THSD7B: variants seen among roughly 807,000 people sequenced by gnomAD.
The protein encoded by THSD7B is thrombospondin type-1 domain-containing protein 7B.
THSD7B carries 138 observed loss-of-function variants against 213.6 expected under a neutral mutation model. That is an observed-to-expected ratio of 0.65 (90% CI 0.56 to 0.74). The LOEUF (loss-of-function observed/expected upper bound fraction) is 0.74, where lower values mean the gene tolerates loss of function less well. THSD7B is among the 30% of genes least tolerant of loss of function. The pLI, the probability that THSD7B is intolerant of heterozygous loss-of-function variation, is 0.00. For synonymous variants in THSD7B, 742 were observed against 687.0 expected, an observed-to-expected ratio of 1.08 and a Z score of -1.25; for missense variants, 1,931 against 1,991.5, an observed-to-expected ratio of 0.97 and a Z score of 0.58.
intron 10 of THSD7B, among the ~76,000 whole-genome samples, chr2:137,243,559 A>G (rs1044679908): frequency 2.0e-5 from 3 of 152,214 alleles, no homozygotes; most frequent in Admixed American, 2.0e-4. Context: ...CTGCAGAGAA[A>G]AAAGCCTGTC....
chr2:137,533,049 TATAA>T (rs1230766181), intron 15 of THSD7B, among the ~76,000 whole-genome samples: 2 of 151,094 alleles, frequency 1.3e-5, no homozygotes, highest in African/African-American at 2.4e-5. Context: ...ATTATTTATA[TATAA>T]ATAATGTTAT....
At chr2:137,361,004 C>T (rs1284080569) in intron 12 of THSD7B, among the ~76,000 whole-genome samples, 1 of 152,086 alleles carries the variant, frequency 6.6e-6, no homozygotes, top group Non-Finnish European at 1.5e-5. Context: ...GATGAAGTTT[C>T]CAGAGGAAGG....
At chr2:137,352,064 G>A (rs554178661) in intron 12 of THSD7B, among the ~76,000 whole-genome samples, 1 of 151,648 alleles carries the variant, frequency 6.6e-6, no homozygotes, top group African/African-American at 2.4e-5. Context: ...CAAAAGATTG[G>A]ACACCTCTGT....
At chr2:137,623,676 A>G (rs1478521275) in intron 20 of THSD7B, among the ~76,000 whole-genome samples, 5 of 152,230 alleles carry the variant, frequency 3.3e-5, no homozygotes, top group African/African-American at 1.2e-4. Flanking sequence ...GCATTCCTAT[A>G]CAGCAATAAC....
intron 7 of THSD7B, among the ~76,000 whole-genome samples, chr2:137,191,783 C>G (rs1467063069): frequency 6.6e-6 from 1 of 152,140 alleles, no homozygotes; most frequent in Non-Finnish European, 1.5e-5. Context: ...AGCCCTACTT[C>G]AGCAGCTGTG....
chr2:137,162,661 A>G (rs887359659), intron 6 of THSD7B, among the ~76,000 whole-genome samples: 14 of 152,096 alleles, frequency 9.2e-5, no homozygotes, highest in African/African-American at 3.1e-4. Flanking sequence ...AATTCAAAGA[A>G]TGCTTTTGCC....
At position 136,973,801 on chromosome 2, in the gene THSD7B, T is replaced by C. The variant is rs542339459; in HGVS notation, c.140-82619T>C. On this transcript the variant is annotated intron_variant, in intron 2 of 27. Transcript: ENST00000409968. ...TTAGGGTAATATTTTTGAACTCTGC[T>C]GTTTCGGAGAGTATAAGTCAGTATG... Among the ~76,000 whole-genome samples the C allele has an allele frequency of 4.3e-4, 65 of 152,352 alleles. 1 individual carries two copies. Among genetic ancestry groups the C allele is most frequent in the Admixed American group, 2.9e-3 (45 of 15,306 alleles).
At chr2:137,592,241 A>G (rs1234728074) in intron 17 of THSD7B, among the ~76,000 whole-genome samples, 1 of 152,040 alleles carries the variant, frequency 6.6e-6, no homozygotes, top group East Asian at 1.9e-4. Flanking sequence ...AACCTTGCAT[A>G]TCAAAAAATA....
intron 2 of THSD7B, among the ~76,000 whole-genome samples, chr2:136,889,564 C>A (rs1417296702): frequency 6.6e-6 from 1 of 152,210 alleles, no homozygotes; most frequent in Admixed American, 6.5e-5. Flanking sequence ...TGTGCACCTG[C>A]ATCCTTTCTT....
At chr2:137,664,250 C>T (rs1683406689) in intron 26 of THSD7B, among the ~76,000 whole-genome samples, 1 of 152,116 alleles carries the variant, frequency 6.6e-6, no homozygotes, top group African/African-American at 2.4e-5. Flanking sequence ...GGAATAGAAC[C>T]TCAAGAACTT....
At chr2:137,139,674 C>T (rs533409589) in intron 5 of THSD7B, among the ~76,000 whole-genome samples, 4 of 152,246 alleles carry the variant, frequency 2.6e-5, no homozygotes, top group South Asian at 2.1e-4. Flanking sequence ...GGAGAGTTAG[C>T]GATTCCTCCA....
intron 5 of THSD7B, among the ~76,000 whole-genome samples, chr2:137,138,562 T>G (rs1679514983): frequency 6.6e-6 from 1 of 152,194 alleles, no homozygotes; most frequent in African/African-American, 2.4e-5. Context: ...TATAGAGGGT[T>G]GTGATGGATT....
chr2:137,412,864 T>C (rs1338267184), intron 14 of THSD7B, among the ~76,000 whole-genome samples: 1 of 150,894 alleles, frequency 6.6e-6, no homozygotes, highest in African/African-American at 2.4e-5. Context: ...ATGGAGCCTC[T>C]GAATTTCCTG....
intron 10 of THSD7B, among the ~76,000 whole-genome samples, chr2:137,271,006 T>G (rs1467602858): frequency 6.6e-6 from 1 of 152,078 alleles, no homozygotes; most frequent in East Asian, 1.9e-4. Context: ...AGTGGCTGAG[T>G]TGCTTCTCAC....
intron 2 of THSD7B, among the ~76,000 whole-genome samples, chr2:137,043,198 AACTT>A (rs1413688287): frequency 4.6e-5 from 7 of 152,116 alleles, no homozygotes; most frequent in South Asian, 2.1e-4. Context: ...CATTTTCTTT[AACTT>A]ACTTTGATTA....
At chr2:137,572,593 A>C (rs750166150) in intron 17 of THSD7B, 37 bp downstream of exon 17, 1 of 1,610,506 alleles carries the variant, frequency 6.2e-7, no homozygotes, top group Non-Finnish European at 8.5e-7. Flanking sequence ...CTGATAATCT[A>C]TTGTTGCCTT....
chr2:136,958,984 A>C (rs1462956131), intron 2 of THSD7B, among the ~76,000 whole-genome samples: 2 of 152,052 alleles, frequency 1.3e-5, no homozygotes, highest in African/African-American at 4.8e-5. Flanking sequence ...ATGGTGATGG[A>C]GGTGCTGGTG....
At chr2:137,520,220 G>GA (rs995768227) in intron 15 of THSD7B, among the ~76,000 whole-genome samples, 5 of 151,448 alleles carry the variant, frequency 3.3e-5, no homozygotes, top group East Asian at 1.9e-4. Context: ...TTCTACAGAG[G>GA]AAAAAAAAGC....
Position 136,896,956 on chromosome 2 carries a change from A to ATT in THSD7B, c.139+14645_139+14646dup, listed in dbSNP as rs34871634. On this transcript the variant is annotated intron_variant, in intron 2 of 27. Transcript: ENST00000409968. ...TATACATATATACATATATATATAT[A>ATT]TTTTTTTAAGACAGGGTCTCACTAT... 5.9e-3 allele frequency among the ~76,000 whole-genome samples: 892 copies of ATT among 150,248 alleles called. 10 individuals are homozygous for ATT. Among genetic ancestry groups the ATT allele is most frequent in the African/African-American group, 0.021 (855 of 41,014 alleles).
Sources: gnomAD v4.1 joint callset for allele counts (sites outside exome capture counted in the v4.1 genomes callset) on GRCh38, gnomAD v4.1.1 for gene constraint, MANE v1.5 for transcripts, NCBI Gene and HGNC (gene_info 2026-07-23, HGNC 2026-07-21) for gene names.